FOXP2: variants seen among roughly 807,000 people sequenced by gnomAD.
FOXP2 encodes forkhead box protein P2.
FOXP2 carries 12 observed loss-of-function variants against 115.8 expected under a neutral mutation model. The observed-to-expected ratio is 0.10, with a 90% CI of 0.07 to 0.17. The LOEUF (loss-of-function observed/expected upper bound fraction) is 0.17. Ranked by LOEUF, FOXP2 falls within the 10% of genes least tolerant of loss-of-function variation. FOXP2 has a pLI of 1.00. For synonymous variants in FOXP2, 328 were observed against 297.7 expected (o/e 1.10, Z -1.05); for missense variants, 629 against 843.5 (o/e 0.75, Z 3.15).
chr7:114,690,481 G>GT lies in FOXP2; in HGVS notation c.*561dup, dbSNP rs1465166060. The GT allele has an allele frequency of 2.2e-6, 1 of 453,816 alleles. No homozygotes were observed. Among genetic ancestry groups the GT allele is most frequent in the Non-Finnish European group, 4.4e-6 (1 of 226,736 alleles). The allele number at this position is 453,816 out of a possible 1,614,324, so 28.1% of individuals were successfully genotyped here. The stretch of plus-strand genomic sequence containing the variant: ...CTGAATTTTAAACAACAGAACATTA[G>GT]TTTTTTATGTTGGTGCCACCAACTG... On this transcript the variant is annotated 3_prime_UTR_variant, in exon 17 of 17. Transcript: ENST00000350908.
intron 3 of FOXP2, among the ~76,000 whole-genome samples, chr7:114,622,440 A>T (rs1356874936): frequency 6.6e-6 from 1 of 151,892 alleles, no homozygotes; most frequent in East Asian, 1.9e-4. Flanking sequence ...GAGAGCAATT[A>T]CTTCTCTGCT....
At chr7:114,424,008 C>T (rs1388822523) in intron 1 of FOXP2, among the ~76,000 whole-genome samples, 1 of 151,370 alleles carries the variant, frequency 6.6e-6, no homozygotes, top group Admixed American at 6.6e-5. Flanking sequence ...TTTACTAACT[C>T]TTAGATGATT....
At chr7:114,340,515 A>G (rs1220602985) in intron 2 of FOXP2, among the ~76,000 whole-genome samples, 2 of 151,128 alleles carry the variant, frequency 1.3e-5, no homozygotes, top group East Asian at 1.9e-4. Context: ...ATTCAGGTAC[A>G]TAACTATTTT....
intron 8 of FOXP2, among the ~76,000 whole-genome samples, chr7:114,646,195 G>T (rs771038897): frequency 2.8e-4 from 42 of 151,228 alleles, no homozygotes; most frequent in Non-Finnish European, 5.5e-4. Flanking sequence ...TTGAAATTAT[G>T]TAAAGGGCTA....
intron 2 of FOXP2, among the ~76,000 whole-genome samples, chr7:114,462,389 T>TTTTTTTA: frequency 1.7e-5 from 2 of 119,810 alleles, no homozygotes; most frequent in Non-Finnish European, 3.8e-5. Context: ...TTTTTTTTTT[T>TTTTTTTA]AAGACAGAGT....
At chr7:114,582,006 A>C (rs964937008) in intron 3 of FOXP2, among the ~76,000 whole-genome samples, 1 of 152,202 alleles carries the variant, frequency 6.6e-6, no homozygotes, top group African/African-American at 2.4e-5. Flanking sequence ...TTCAGGAAAA[A>C]TGCTGCTAAA....
At chr7:114,453,359 T>C (rs1000908868) in intron 2 of FOXP2, among the ~76,000 whole-genome samples, 14 of 152,132 alleles carry the variant, frequency 9.2e-5, no homozygotes, top group African/African-American at 3.4e-4. Flanking sequence ...TTGATTTTTT[T>C]TTGTTTACTA....
rs375098941 is a variant in FOXP2 at position 114,615,410 on chromosome 7, T to A, written c.259-13130T>A. 4.6e-5 allele frequency among the ~76,000 whole-genome samples: 7 copies of A among 152,330 alleles called. 1 individual carries two copies. The East Asian group carries it at 1.2e-3, about 25-fold the overall frequency. On this transcript the variant is annotated intron_variant, in intron 3 of 16. Coordinates refer to ENST00000350908, the MANE Select transcript of FOXP2 (RefSeq NM_014491.4). ...ACCCAACCCTCCCTTAAGGTGATTT[T>A]AGCTTAGTTGAATAACCTCCATATT...
intron 3 of FOXP2, among the ~76,000 whole-genome samples, chr7:114,597,033 A>C (rs1368187339): frequency 6.6e-6 from 1 of 152,058 alleles, no homozygotes; most frequent in East Asian, 1.9e-4. Context: ...ATTCAAAAAA[A>C]CTTTCTTTTG....
chr7:114,247,861 C>T (rs1795329407), intron 1 of FOXP2, among the ~76,000 whole-genome samples: 1 of 151,934 alleles, frequency 6.6e-6, no homozygotes, highest in Non-Finnish European at 1.5e-5. Flanking sequence ...AGTCGGGGTT[C>T]TCCAGAGAAA....
chr7:114,544,707 G>A (rs911375252), intron 3 of FOXP2, among the ~76,000 whole-genome samples: 10 of 152,144 alleles, frequency 6.6e-5, no homozygotes, highest in Admixed American at 5.9e-4. Context: ...GAATATCTCT[G>A]TAAAAGCAAA....
At chr7:114,675,151 C>T (rs561872374) in intron 16 of FOXP2, among the ~76,000 whole-genome samples, 60 of 152,096 alleles carry the variant, frequency 3.9e-4, no homozygotes, top group Non-Finnish European at 7.7e-4. Context: ...CTAAACTTGT[C>T]GTTTTCATGA....
At chr7:114,172,692 AG>A (rs779672883) in intron 1 of FOXP2, among the ~76,000 whole-genome samples, 2 of 152,176 alleles carry the variant, frequency 1.3e-5, no homozygotes, top group South Asian at 4.1e-4. Context: ...AATTAAAAAA[AG>A]AAAAGAAAAC....
intron 8 of FOXP2, among the ~76,000 whole-genome samples, chr7:114,648,940 T>A (rs1326503649): frequency 6.6e-6 from 1 of 152,034 alleles, no homozygotes; most frequent in Non-Finnish European, 1.5e-5. Flanking sequence ...TAGGGGACAT[T>A]AGGGACTGGA....
At chr7:114,612,392 T>C (rs2045295) in intron 3 of FOXP2, among the ~76,000 whole-genome samples, 2,034 of 150,870 alleles carry the variant, frequency 0.013, 34 homozygotes, top group African/African-American at 0.04. Flanking sequence ...CACACATATA[T>C]GTATATATGT....
chr7:114,561,172 C>T (rs899019887), intron 3 of FOXP2: 5 of 152,070 alleles, frequency 3.3e-5, no homozygotes, highest in African/African-American at 1.2e-4. Flanking sequence ...TTAAGGTAGT[C>T]CCCAAAGAAA....
intron 2 of FOXP2, among the ~76,000 whole-genome samples, chr7:114,436,803 G>T (rs1794371414): frequency 1.3e-5 from 2 of 152,062 alleles, no homozygotes. Context: ...GTCAAAAAAG[G>T]CTGGAGGATT....
chr7:114,239,344 A>G (rs1795095179), intron 1 of FOXP2, among the ~76,000 whole-genome samples: 1 of 152,188 alleles, frequency 6.6e-6, no homozygotes, highest in South Asian at 2.1e-4. Context: ...TAATCTTTGT[A>G]TAATCTCTAC....
chr7:114,352,214 C>T (rs1452778449), intron 2 of FOXP2, among the ~76,000 whole-genome samples: 1 of 151,948 alleles, frequency 6.6e-6, no homozygotes. Flanking sequence ...CTACAATGAG[C>T]CATGGTCACA....
Sources: gnomAD v4.1 joint callset for allele counts (sites outside exome capture counted in the v4.1 genomes callset) on GRCh38, gnomAD v4.1.1 for gene constraint, MANE v1.5 for transcripts, NCBI Gene and HGNC (gene_info 2026-07-23, HGNC 2026-07-21) for gene names.